The following PARD3B variants were observed in gnomAD, a reference collection of about 807,000 sequenced individuals.
PARD3B encodes the protein par-3 family cell polarity regulator beta.
Under a neutral mutation model 130.2 loss-of-function variants are expected in PARD3B, and 103 were observed. The observed-to-expected ratio is 0.79, with a 90% CI of 0.67 to 0.93. The LOEUF (loss-of-function observed/expected upper bound fraction) is 0.93. PARD3B is among the 40% of genes least tolerant of loss of function. The pLI is 0.00. For missense variants in PARD3B, 1,609 were observed against 1,499.2 expected (o/e 1.07, Z -1.21); for synonymous variants, 583 against 553.2 (o/e 1.05, Z -0.76).
intron 2 of PARD3B, among the ~76,000 whole-genome samples, chr2:204,773,573 C>A (rs1438743590): frequency 6.6e-6 from 1 of 152,110 alleles, no homozygotes; most frequent in African/African-American, 2.4e-5. Flanking sequence ...CTGTAACGTA[C>A]ATTTAATTTT....
intron 16 of PARD3B, among the ~76,000 whole-genome samples, chr2:205,264,308 A>C (rs1559601612): frequency 6.6e-6 from 1 of 151,062 alleles, no homozygotes; most frequent in Non-Finnish European, 1.5e-5. Flanking sequence ...AACAGCCATT[A>C]GTTTTTTGGT....
At chr2:205,114,987 A>C (rs1703927059) in intron 6 of PARD3B, among the ~76,000 whole-genome samples, 1 of 152,176 alleles carries the variant, frequency 6.6e-6, no homozygotes, top group Admixed American at 6.5e-5. Context: ...TTTTGGCAGA[A>C]GTATACTGAC....
At chr2:205,560,257 C>T (rs2053082123) in intron 22 of PARD3B, among the ~76,000 whole-genome samples, 1 of 152,168 alleles carries the variant, frequency 6.6e-6, no homozygotes, top group African/African-American at 2.4e-5. Flanking sequence ...ATATAAGTGC[C>T]TTTAAGGACA....
In PARD3B at chr2:205,302,155, G is replaced by T. The variant is rs185463193; in HGVS notation, c.2630+454G>T. Among the ~76,000 whole-genome samples the T allele has an allele frequency of 9.0e-3, 1,107 of 122,608 alleles. 18 individuals are homozygous for T. The highest frequency in any genetic ancestry group is 0.032 in the African/African-American group (1,039 of 32,294). The allele number at this position is 122,608 out of a possible 152,430, so 80.4% of individuals were successfully genotyped here. A position where few individuals can be genotyped will look rare whatever the true frequency, so the allele number is the denominator to read the frequency against. On this transcript the variant is annotated intron_variant, in intron 18 of 22. Transcript: ENST00000406610. The stretch of plus-strand genomic sequence containing the variant: ...GTGATCTCGGCTCACTGCAACCTCC[G>T]CCTCCTGGGTTCAAGCGATTCTTCT...
intron 21 of PARD3B, among the ~76,000 whole-genome samples, chr2:205,514,505 A>G (rs772207972): frequency 5.9e-5 from 9 of 152,142 alleles, no homozygotes; most frequent in Non-Finnish European, 1.2e-4. Context: ...TTAAATAAAC[A>G]TTATTAATAA....
At chr2:205,358,348 A>G (rs907607730) in intron 18 of PARD3B, among the ~76,000 whole-genome samples, 5 of 152,188 alleles carry the variant, frequency 3.3e-5, no homozygotes, top group Non-Finnish European at 5.9e-5. Flanking sequence ...GATAAGATTC[A>G]TTTGGGCCTA....
At chr2:204,913,654 C>G (rs1031473192) in intron 2 of PARD3B, among the ~76,000 whole-genome samples, 2 of 152,090 alleles carry the variant, frequency 1.3e-5, no homozygotes, top group Non-Finnish European at 2.9e-5. Context: ...AAAGCAATAC[C>G]TTGTAAAAAT....
chr2:205,606,059 G>T (rs915810788), intron 22 of PARD3B, among the ~76,000 whole-genome samples: 1 of 152,178 alleles, frequency 6.6e-6, no homozygotes, highest in Non-Finnish European at 1.5e-5. Context: ...GCACTGTGGG[G>T]AATTCCTCCT....
chr2:204,627,452 A>G (rs2034526791), intron 1 of PARD3B, among the ~76,000 whole-genome samples: 1 of 152,216 alleles, frequency 6.6e-6, no homozygotes, highest in Non-Finnish European at 1.5e-5. Context: ...TGTACAACTT[A>G]GTAACCCAAA....
chr2:204,926,293 G>C (rs1687610686), intron 2 of PARD3B, among the ~76,000 whole-genome samples: 1 of 152,110 alleles, frequency 6.6e-6, no homozygotes, highest in Admixed American at 6.5e-5. Context: ...GTTATCTCTT[G>C]ATCTTGAGTG....
At chr2:204,951,371 C>T (rs1175384445) in intron 2 of PARD3B, among the ~76,000 whole-genome samples, 1 of 152,086 alleles carries the variant, frequency 6.6e-6, no homozygotes, top group Non-Finnish European at 1.5e-5. Flanking sequence ...AGGTTTGTTC[C>T]TTAATCCAGT....
chr2:204,609,018 T>C (rs905594045), intron 1 of PARD3B, among the ~76,000 whole-genome samples: 1 of 152,236 alleles, frequency 6.6e-6, no homozygotes, highest in South Asian at 2.1e-4. Context: ...GGAGTTATAC[T>C]CCTTTTAAGA....
chr2:205,576,904 T>C (rs904106090), intron 22 of PARD3B, among the ~76,000 whole-genome samples: 2 of 152,224 alleles, frequency 1.3e-5, no homozygotes, highest in African/African-American at 4.8e-5. Flanking sequence ...ATCTTGAGAG[T>C]ATTGAGTCTT....
At chr2:204,889,284 C>T (rs963752216) in intron 2 of PARD3B, among the ~76,000 whole-genome samples, 2 of 152,170 alleles carry the variant, frequency 1.3e-5, no homozygotes, top group Non-Finnish European at 2.9e-5. Context: ...GATCTCGATT[C>T]TTCCTGCATT....
At chr2:204,750,534 C>T (rs1421578792) in intron 2 of PARD3B, among the ~76,000 whole-genome samples, 1 of 152,056 alleles carries the variant, frequency 6.6e-6, no homozygotes, top group Non-Finnish European at 1.5e-5. Context: ...TGTGGTGAGC[C>T]CAGATCGCAC....
chr2:205,582,695 G>C (rs1198575987), intron 22 of PARD3B, among the ~76,000 whole-genome samples: 1 of 151,218 alleles, frequency 6.6e-6, no homozygotes, highest in Non-Finnish European at 1.5e-5. Context: ...TACGTGTCTA[G>C]GGAAGAGTGA....
chr2:205,141,223 G>A (rs188467725), intron 10 of PARD3B, among the ~76,000 whole-genome samples: 1 of 152,316 alleles, frequency 6.6e-6, no homozygotes, highest in East Asian at 1.9e-4. Context: ...AATATATTAA[G>A]AGTATGTTAC....
In PARD3B at chr2:204,714,772, C is replaced by T. The variant is rs371040035; in HGVS notation, c.222+28490C>T. On this transcript the variant is annotated intron_variant, in intron 2 of 22. Coordinates refer to ENST00000406610, the MANE Select transcript of PARD3B (RefSeq NM_001302769.2). Reference sequence around the variant, plus strand: ...TTCCTCACTATAATTTACAAACACACCCAGAATGAACCCATGGCAAGTCAT... The same window carrying T: ...TTCCTCACTATAATTTACAAACACATCCAGAATGAACCCATGGCAAGTCAT... 1.8e-4 allele frequency among the ~76,000 whole-genome samples: 28 copies of T among 152,282 alleles called. No individual in the cohort carries two copies. The East Asian group carries it at 5.2e-3, about 28-fold the overall frequency.
At chr2:205,254,663 TA>T (rs1330449568) in intron 16 of PARD3B, among the ~76,000 whole-genome samples, 10 of 148,810 alleles carry the variant, frequency 6.7e-5, no homozygotes, top group Non-Finnish European at 7.4e-5. Flanking sequence ...TATTTTATTT[TA>T]TTTTATTTTT....
Sources: allele counts gnomAD v4.1 joint callset (sites outside exome capture counted in the v4.1 genomes callset), GRCh38; gene constraint gnomAD v4.1.1; transcripts MANE v1.5; gene names NCBI Gene and HGNC (gene_info 2026-07-23, HGNC 2026-07-21).